DPP10: variants seen among roughly 807,000 people sequenced by gnomAD.
DPP10 encodes dipeptidyl peptidase like 10.
In DPP10, 33 loss-of-function variants were observed where a neutral mutation model predicts 120.9. That is an observed-to-expected ratio of 0.27 (90% CI 0.21 to 0.37). DPP10 has a LOEUF of 0.37. Ranked by LOEUF, DPP10 falls within the 10% of genes least tolerant of loss-of-function variation. DPP10 has a pLI of 1.00. For missense variants in DPP10, 816 were observed against 942.8 expected, an observed-to-expected ratio of 0.87 and a Z score of 1.76; for synonymous variants, 337 against 326.1, an observed-to-expected ratio of 1.03 and a Z score of -0.36.
chr2:114,661,023 T>C (rs1372880671), intron 1 of DPP10, among the ~76,000 whole-genome samples: 1 of 152,224 alleles, frequency 6.6e-6, no homozygotes, highest in Non-Finnish European at 1.5e-5. Context: ...ATCAGAATTA[T>C]ACAGCCACGA....
intron 4 of DPP10, among the ~76,000 whole-genome samples, chr2:115,521,283 A>G (rs977320442): frequency 6.6e-6 from 1 of 152,170 alleles, no homozygotes; most frequent in Non-Finnish European, 1.5e-5. Context: ...TTTTCTTTAG[A>G]GGGCATGGAT....
At chr2:114,729,291 A>G (rs1041669605) in intron 1 of DPP10, among the ~76,000 whole-genome samples, 2 of 152,256 alleles carry the variant, frequency 1.3e-5, no homozygotes, top group Non-Finnish European at 1.5e-5. Flanking sequence ...TGAAGCCTCC[A>G]GGGAAACCTG....
At chr2:114,642,067 A>G (rs922123790) in intron 1 of DPP10, among the ~76,000 whole-genome samples, 3 of 151,992 alleles carry the variant, frequency 2.0e-5, no homozygotes, top group African/African-American at 7.3e-5. Context: ...ATAACCTCAG[A>G]CACAGACCTG....
At chr2:115,379,950 G>A (rs1167172282) in intron 3 of DPP10, among the ~76,000 whole-genome samples, 1 of 152,180 alleles carries the variant, frequency 6.6e-6, no homozygotes, top group East Asian at 1.9e-4. Flanking sequence ...TTTTACATTT[G>A]CTGTGGAGAG....
chr2:114,643,994 G>T (rs1470264141), intron 1 of DPP10, among the ~76,000 whole-genome samples: 10 of 147,464 alleles, frequency 6.8e-5, no homozygotes, highest in African/African-American at 2.5e-4. Flanking sequence ...GAGTGCAGTG[G>T]CATGATCTCG....
intron 3 of DPP10, among the ~76,000 whole-genome samples, chr2:115,496,053 G>A (rs2148769402): frequency 6.6e-6 from 1 of 152,094 alleles, no homozygotes; most frequent in Admixed American, 6.5e-5. Context: ...CAGAATGAAG[G>A]ATCACTATTA....
chr2:115,524,842 T>C (rs1558797613), intron 4 of DPP10, among the ~76,000 whole-genome samples: 1 of 152,122 alleles, frequency 6.6e-6, no homozygotes, highest in Non-Finnish European at 1.5e-5. Context: ...CAAGGGTTTT[T>C]GGAGCTCTGT....
intron 1 of DPP10, among the ~76,000 whole-genome samples, chr2:114,567,047 C>A (rs979419275): frequency 1.3e-5 from 2 of 152,186 alleles, no homozygotes; most frequent in Admixed American, 1.3e-4. Context: ...GACTACCATA[C>A]TCCACTCCAG....
At chr2:115,604,045 T>C (rs3980950) in intron 5 of DPP10, among the ~76,000 whole-genome samples, 150,140 of 151,918 alleles carry the variant, frequency 0.99, 74,221 homozygotes, top group East Asian at 1. Context: ...ATGATAGGGA[T>C]ATGCTGCAAG....
At chr2:115,298,434 T>C (rs555894234) in intron 1 of DPP10, among the ~76,000 whole-genome samples, 1 of 152,202 alleles carries the variant, frequency 6.6e-6, no homozygotes, top group South Asian at 2.1e-4. Flanking sequence ...TTGTTCATTT[T>C]AGCAGTTTCA....
chr2:115,608,512 A>G (rs1344693695), intron 5 of DPP10, among the ~76,000 whole-genome samples: 1 of 152,152 alleles, frequency 6.6e-6, no homozygotes, highest in African/African-American at 2.4e-5. Context: ...AAACCAAGAG[A>G]AAAGATGCGA....
intron 17 of DPP10, among the ~76,000 whole-genome samples, chr2:115,787,381 GAATGTAGAGAGAA>G (rs1218410891): frequency 6.6e-6 from 1 of 152,150 alleles, no homozygotes; most frequent in East Asian, 1.9e-4. Context: ...AGGAAAGAAT[GAATGTAGAGAGAA>G]AACAAAGATA....
At chr2:114,904,726 A>C (rs933205858) in intron 1 of DPP10, among the ~76,000 whole-genome samples, 4 of 152,206 alleles carry the variant, frequency 2.6e-5, no homozygotes, top group African/African-American at 7.2e-5. Flanking sequence ...AGGCCATCAG[A>C]CTCATTAAAT....
At chr2:115,073,909 T>A (rs1707574663) in intron 1 of DPP10, among the ~76,000 whole-genome samples, 1 of 152,208 alleles carries the variant, frequency 6.6e-6, no homozygotes, top group South Asian at 2.1e-4. Context: ...TAGGCAAAGT[T>A]AAGGGAAAGT....
chr2:114,539,695 T>C (rs1396034669), intron 1 of DPP10, among the ~76,000 whole-genome samples: 1 of 152,170 alleles, frequency 6.6e-6, no homozygotes, highest in African/African-American at 2.4e-5. Context: ...ATTCAGCACA[T>C]CATACTGCAC....
intron 1 of DPP10, among the ~76,000 whole-genome samples, chr2:115,090,380 C>T (rs1709143762): frequency 6.6e-6 from 1 of 152,050 alleles, no homozygotes. Context: ...AGATAAAATT[C>T]TACCTAGAGT....
chr2:114,729,524 AAAAGG>A (rs894695771), intron 1 of DPP10, among the ~76,000 whole-genome samples: 3 of 152,246 alleles, frequency 2.0e-5, no homozygotes, highest in Non-Finnish European at 4.4e-5. Context: ...TCTGAAATGA[AAAAGG>A]AAAAGCCCAA....
rs562963318 is a variant in DPP10, at chr2:115,628,435, T to C, written c.442-61252T>C. On this transcript the variant is annotated intron_variant, in intron 5 of 25. Coordinates refer to ENST00000410059, the MANE Select transcript of DPP10 (RefSeq NM_020868.6). ...GGATATTAGACCCTTGTCAGATGGA[T>C]AAATTGGAAAAATTTTCTCCCATTC... 5.5e-4 allele frequency among the ~76,000 whole-genome samples: 84 copies of C among 152,318 alleles called. 3 individuals carry two copies. The South Asian group carries it at 0.017, about 31-fold the overall frequency.
At chr2:115,084,549 G>A (rs1708539311) in intron 1 of DPP10, among the ~76,000 whole-genome samples, 1 of 152,126 alleles carries the variant, frequency 6.6e-6, no homozygotes, top group African/African-American at 2.4e-5. Flanking sequence ...AATTTCCTGG[G>A]CAAGTGTGCA....
Sources: allele counts gnomAD v4.1 joint callset (sites outside exome capture counted in the v4.1 genomes callset), GRCh38; gene constraint gnomAD v4.1.1; transcripts MANE v1.5; gene names NCBI Gene and HGNC (gene_info 2026-07-23, HGNC 2026-07-21).